Variants in PRR5L observed in about 807,000 individuals in gnomAD.
PRR5L encodes the protein proline-rich protein 5-like.
PRR5L carries 21 observed loss-of-function variants against 36.4 expected under a neutral mutation model. The ratio of observed to expected loss-of-function variants is 0.58; its 90% CI spans 0.41 to 0.83. The LOEUF (loss-of-function observed/expected upper bound fraction) is 0.83, where lower values mean the gene tolerates loss of function less well. Among genes scored for constraint, PRR5L ranks in the 40% least tolerant of loss-of-function variants. PRR5L has a pLI of 0.00. For missense variants in PRR5L, 381 were observed against 473.3 expected (o/e 0.80, Z 1.81); for synonymous variants, 188 against 197.0 (o/e 0.95, Z 0.38).
At chr11:36,393,673 T>G (rs1008949609) in intron 1 of PRR5L, among the ~76,000 whole-genome samples, 5 of 152,354 alleles carry the variant, frequency 3.3e-5, no homozygotes, top group Non-Finnish European at 7.3e-5. Context: ...CTTTCATGGT[T>G]TCATATAAAT....
intron 1 of PRR5L, among the ~76,000 whole-genome samples, chr11:36,351,535 AAATATAT>A (rs1565408477): frequency 0.039 from 396 of 10,138 alleles, 129 homozygotes; most frequent in Middle Eastern, 0.25. Context: ...ATATTTATAT[AAATATAT>A]ATTTATATAT....
At position 36,406,132 on chromosome 11, in the gene PRR5L, C is replaced by T. The variant is rs139520426; in HGVS notation, c.245+2754C>T. 4.5e-3 allele frequency among the ~76,000 whole-genome samples: 684 copies of T among 151,852 alleles called. 7 individuals are homozygous for T. Among genetic ancestry groups the T allele is most frequent in the African/African-American group, 0.016 (647 of 41,412 alleles). ...TTTTTTTTTGCCATCGTTCCTTTCCCGAGGTCTCTGTGAGCCCATCTCTTA... is the reference window on the plus strand; with the variant it reads ...TTTTTTTTTGCCATCGTTCCTTTCCTGAGGTCTCTGTGAGCCCATCTCTTA... On this transcript the variant is annotated intron_variant, in intron 3 of 8. Coordinates refer to ENST00000530639, the MANE Select transcript of PRR5L (RefSeq NM_001160167.2).
At chr11:36,318,520 G>T (rs1422064737) in intron 1 of PRR5L, among the ~76,000 whole-genome samples, 1 of 147,840 alleles carries the variant, frequency 6.8e-6, no homozygotes. Flanking sequence ...GAGAGGGATG[G>T]ATATGTGGAG....
intron 3 of PRR5L, among the ~76,000 whole-genome samples, chr11:36,407,082 A>T (rs1050109513): frequency 5.3e-5 from 8 of 152,238 alleles, no homozygotes; most frequent in African/African-American, 1.9e-4. Flanking sequence ...TATTAGCCAT[A>T]TGATTCTTAT....
chr11:36,352,772 A>G (rs1400997102), intron 1 of PRR5L, among the ~76,000 whole-genome samples: 1 of 152,182 alleles, frequency 6.6e-6, no homozygotes, highest in African/African-American at 2.4e-5. Context: ...TACCAGTTTT[A>G]TGAAGAACAA....
intron 1 of PRR5L, among the ~76,000 whole-genome samples, chr11:36,360,041 A>T (rs1857068864): frequency 8.9e-6 from 1 of 112,088 alleles, no homozygotes; most frequent in African/African-American, 3.7e-5. Flanking sequence ...TGTCACACAC[A>T]CACACACACA....
intron 1 of PRR5L, among the ~76,000 whole-genome samples, chr11:36,342,068 C>T (rs1565400047): frequency 6.6e-6 from 1 of 152,126 alleles, no homozygotes; most frequent in African/African-American, 2.4e-5. Context: ...TGTTTCTGAA[C>T]GTCTTGATGG....
intron 1 of PRR5L, among the ~76,000 whole-genome samples, chr11:36,371,371 T>C (rs1316321282): frequency 6.6e-6 from 1 of 152,196 alleles, no homozygotes; most frequent in Middle Eastern, 3.2e-3. Flanking sequence ...TTATGGATAG[T>C]ATAGTGCTGT....
At position 36,344,128 on chromosome 11, in the gene PRR5L, A is replaced by C. The variant is rs1856843291; in HGVS notation, c.-126+47690A>C. On this transcript the variant is annotated intron_variant, in intron 1 of 8. Coordinates refer to ENST00000530639, the MANE Select transcript of PRR5L (RefSeq NM_001160167.2). This position sits in a 1 kb window ranked among gnomAD's most constrained non-coding sequence, Gnocchi z 4.1. ...GCTACTCAGGAGGCTGAGGTAGGAG[A>C]ATCACTTGAACCTGGGAGGCAGAGG... 6.6e-6 allele frequency among the ~76,000 whole-genome samples: 1 copy of C among 152,104 alleles called. No homozygotes were observed. Among genetic ancestry groups the C allele is most frequent in the Admixed American group, 6.5e-5 (1 of 15,270 alleles).
At chr11:36,356,550 T>C (rs1857030022) in intron 1 of PRR5L, among the ~76,000 whole-genome samples, 1 of 152,334 alleles carries the variant, frequency 6.6e-6, no homozygotes, top group East Asian at 1.9e-4. Flanking sequence ...GCCAAGTCAA[T>C]TGGCCCCATT....
intron 6 of PRR5L, among the ~76,000 whole-genome samples, chr11:36,442,344 A>C: frequency 9.7e-6 from 1 of 103,148 alleles, no homozygotes; most frequent in East Asian, 2.6e-4. Context: ...TGTTTCTTAT[A>C]ATTTTTTTTT....
chr11:36,462,271 G>GT, intron 8 of PRR5L, 71 bp from the exon 9 acceptor site: 1 of 1,419,162 alleles, frequency 7.0e-7, no homozygotes, highest in Non-Finnish European at 9.3e-7. Flanking sequence ...TTTTCCCCCA[G>GT]TTGGATTAGG....
Position 36,377,385 on chromosome 11 carries a change from C to G in PRR5L, c.-125-23612C>G, listed in dbSNP as rs920003809. On this transcript the variant is annotated intron_variant, in intron 1 of 8. Coordinates refer to ENST00000530639, the MANE Select transcript of PRR5L (RefSeq NM_001160167.2). This position sits in a 1 kb window ranked among gnomAD's most constrained non-coding sequence, Gnocchi z 5.1. ...GCAGTATCCCCCTTCCGTTTTATTTCTCCCGCCTGCCTTCCTTTCGGCGAG... is the reference window on the plus strand; with the variant it reads ...GCAGTATCCCCCTTCCGTTTTATTTGTCCCGCCTGCCTTCCTTTCGGCGAG... The G allele has an allele frequency of 6.6e-6, 1 of 152,372 alleles. No individual in the cohort carries two copies. Among genetic ancestry groups the G allele is most frequent in the African/African-American group, 2.4e-5 (1 of 41,590 alleles). The allele number at this position is 152,372 out of a possible 1,614,324, so 9.4% of individuals were successfully genotyped here. A position where few individuals can be genotyped will look rare whatever the true frequency, so the allele number is the denominator to read the frequency against.
intron 1 of PRR5L, among the ~76,000 whole-genome samples, chr11:36,333,481 C>T (rs1856739318): frequency 6.6e-6 from 1 of 152,152 alleles, no homozygotes; most frequent in African/African-American, 2.4e-5. Flanking sequence ...ACCCAAATGT[C>T]CATTGACTGC....
At chr11:36,328,189 G>A (rs1177530234) in intron 1 of PRR5L, among the ~76,000 whole-genome samples, 1 of 152,176 alleles carries the variant, frequency 6.6e-6, no homozygotes, top group Non-Finnish European at 1.5e-5. Context: ...GGGAAAGAGG[G>A]AGAGAAGAAC....
chr11:36,351,728 T>TATTTATATA (rs1201412908), intron 1 of PRR5L, among the ~76,000 whole-genome samples: 1 of 104,874 alleles, frequency 9.5e-6, no homozygotes, highest in African/African-American at 3.8e-5. Flanking sequence ...TTTATATATT[T>TATTTATATA]TTTATATATT....
chr11:36,418,795 C>CA (rs1480177331), intron 3 of PRR5L, among the ~76,000 whole-genome samples: 3 of 151,742 alleles, frequency 2.0e-5, no homozygotes, highest in African/African-American at 7.3e-5. Context: ...GACTCTGTCT[C>CA]AAAAAAATAA....
intron 3 of PRR5L, 142 bp from the exon 4 acceptor site, chr11:36,419,113 G>C: frequency 1.4e-6 from 1 of 733,334 alleles, no homozygotes; most frequent in South Asian, 1.5e-5. Flanking sequence ...GATAACAATG[G>C]GGGAAGGGGG....
At chr11:36,382,918 A>G (rs1016053636) in intron 1 of PRR5L, among the ~76,000 whole-genome samples, 2 of 152,172 alleles carry the variant, frequency 1.3e-5, no homozygotes, top group Non-Finnish European at 2.9e-5. Context: ...AATGAAAATG[A>G]CTAGGGGAGG....
Sources: gnomAD v4.1 joint callset for allele counts (sites outside exome capture counted in the v4.1 genomes callset) on GRCh38, gnomAD v4.1.1 for gene constraint, Gnocchi (gnomAD v3.1) non-coding constraint, MANE v1.5 for transcripts, NCBI Gene and HGNC (gene_info 2026-07-23, HGNC 2026-07-21) for gene names.